LHX2: variants seen among roughly 807,000 people sequenced by gnomAD.
LHX2 encodes LIM homeobox 2, also known as LIM/homeobox protein Lhx2.
A neutral mutation model predicts 33.0 loss-of-function variants in LHX2; 6 were observed. The observed-to-expected ratio is 0.18, with a 90% confidence interval of 0.10 to 0.36. The LOEUF (loss-of-function observed/expected upper bound fraction) is 0.36. Among genes scored for constraint, LHX2 ranks in the 10% least tolerant of loss-of-function variants. The pLI is 1.00. For missense variants in LHX2, 442 were observed against 586.2 expected (o/e 0.75, Z 2.54); for synonymous variants, 292 against 253.1 (o/e 1.15, Z -1.46).
In LHX2 at chr9:124,015,503, G is replaced by A. The variant is rs769658674; in HGVS notation, c.705G>A (p.Ala235=). 2.8e-5 allele frequency: 41 copies of A among 1,467,950 alleles called. 1 individual carries two copies. In the Admixed American group the frequency reaches 9.0e-4, roughly 32 times the overall value. The allele number at this position is 1,467,950 out of a possible 1,614,324, so 90.9% of individuals were successfully genotyped here. A position where few individuals can be genotyped will look rare whatever the true frequency, so the allele number is the denominator to read the frequency against. Residue 235 remains alanine, a synonymous_variant, in exon 3 of 5, where the codon GCG becomes GCA. Transcript: ENST00000373615. The surrounding 1 kb of genome is among the most constrained non-coding windows in gnomAD (Gnocchi z 7.9). ...PRKRKSPGPG[A]DLAAYNAALS... ...AACGTAAGAGCCCGGGCCCCGGTGC[G>A]GATCTGGCGGCCTACAACGCTGGTG...
In LHX2 at chr9:124,015,420, C is replaced by T. The variant is rs1402161306; in HGVS notation, c.622C>T (p.Pro208Ser). 1 of 1,599,768 alleles carries T rather than the reference C, an allele frequency of 6.3e-7. No individual in the cohort carries two copies. Among genetic ancestry groups the T allele is most frequent in the Non-Finnish European group, 8.5e-7 (1 of 1,173,114 alleles). The change falls in exon 3 of 5, where the codon CCT (proline) becomes TCT (serine). Residue 208 changes from proline to serine, a missense_variant. By Grantham distance (74) the Pro-to-Ser change is moderately conservative. This residue lies in a region of LHX2 where 132 missense variants were observed against 139.1 expected (regional missense o/e 0.95). Coordinates refer to ENST00000373615, the MANE Select transcript of LHX2 (RefSeq NM_004789.4). The surrounding 1 kb of genome is among the most constrained non-coding windows in gnomAD (Gnocchi z 7.9). ...GGGGCTGGGCGCAGCAGGGGCCAAC[C>T]CTCTGGGTCTTCCCTACTACAATGG... ...SAGLGAAGAN[P>S]LGLPYYNGVG...
chr9:124,012,256 G>T lies in LHX2; in HGVS notation c.-93G>T. On this transcript the variant is annotated 5_prime_UTR_variant, in exon 1 of 5. Transcript: ENST00000373615. The surrounding 1 kb of genome is among the most constrained non-coding windows in gnomAD (Gnocchi z 4.3). ...CCGGGGCCGCGGTGGCGATGCACCG[G>T]GCCCGTTAGCGCCAGGAGCGCCAGG... 1 of 1,283,924 alleles carries T rather than the reference G, an allele frequency of 7.8e-7. No homozygotes were observed. The highest frequency in any genetic ancestry group is 1.8e-5 in the South Asian group (1 of 54,486). The allele number at this position is 1,283,924 out of a possible 1,614,324, so 79.5% of individuals were successfully genotyped here.
chr9:124,023,844 A>T (rs1225245299), intron 4 of LHX2, among the ~76,000 whole-genome samples: 1 of 152,196 alleles, frequency 6.6e-6, no homozygotes, highest in Non-Finnish European at 1.5e-5. Flanking sequence ...AGGTATAGAC[A>T]CAGACCCATG....
At position 124,014,084 on chromosome 9, in the gene LHX2, G is replaced by C. The variant is rs1231821859; in HGVS notation, c.244G>C (p.Glu82Gln). The change falls in exon 2 of 5, where the codon GAG becomes CAG. Residue 82 changes from glutamate to glutamine, a missense_variant. Around this residue, in one of 5 missense-constraint regions of LHX2, gnomAD observed 72 missense variants for 171.6 expected, o/e 0.42. Coordinates refer to ENST00000373615, the MANE Select transcript of LHX2 (RefSeq NM_004789.4). This position sits in a 1 kb window ranked among gnomAD's most constrained non-coding sequence, Gnocchi z 4.8. ...QWHMRCLKCC[E>Q]CKLNLESELT... ...GCACATGCGCTGCCTCAAGTGCTGC[G>C]AGTGCAAGCTCAACCTGGAGTCGGA... 1.2e-6 allele frequency: 2 copies of C among 1,613,730 alleles called. No homozygotes were observed. The highest frequency in any genetic ancestry group is 2.2e-5 in the East Asian group (1 of 44,894).
In LHX2 at chr9:124,012,240, C is replaced by A. The variant is rs919276490; in HGVS notation, c.-109C>A. ...CCGAGCTCGGGCGGGGCCGGGGCCG[C>A]GGTGGCGATGCACCGGGCCCGTTAG... On this transcript the variant is annotated 5_prime_UTR_variant, in exon 1 of 5. Coordinates refer to ENST00000373615, the MANE Select transcript of LHX2 (RefSeq NM_004789.4). The surrounding 1 kb of genome is among the most constrained non-coding windows in gnomAD (Gnocchi z 4.3). 3.3e-5 allele frequency: 37 copies of A among 1,132,634 alleles called. No homozygotes were observed. Among genetic ancestry groups the A allele is most frequent in the Middle Eastern group, 3.5e-4 (1 of 2,868 alleles). The allele number at this position is 1,132,634 out of a possible 1,614,324, so 70.2% of individuals were successfully genotyped here.
intron 3 of LHX2, among the ~76,000 whole-genome samples, chr9:124,017,500 G>A (rs1038288409): frequency 5.3e-5 from 8 of 152,212 alleles, no homozygotes; most frequent in Admixed American, 3.9e-4. Flanking sequence ...GGGCCGCGGG[G>A]CAGCTAGGAC....
Position 124,014,492 on chromosome 9 carries a change from G to T in LHX2, c.323+329G>T, listed in dbSNP as rs1859151595. On this transcript the variant is annotated intron_variant, in intron 2 of 4. Coordinates refer to ENST00000373615, the MANE Select transcript of LHX2 (RefSeq NM_004789.4). This position sits in a 1 kb window ranked among gnomAD's most constrained non-coding sequence, Gnocchi z 4.8. Reference sequence around the variant, plus strand: ...TTGAAGTTTCTTGAGTTAATCCGAGGTTATAGAAACAGGCACCCCCAAACC... The same window carrying T: ...TTGAAGTTTCTTGAGTTAATCCGAGTTTATAGAAACAGGCACCCCCAAACC... 6.6e-6 allele frequency among the ~76,000 whole-genome samples: 1 copy of T among 152,106 alleles called. No homozygotes were observed. Among genetic ancestry groups the T allele is most frequent in the Non-Finnish European group, 1.5e-5 (1 of 68,032 alleles).
rs563354693 is a variant in LHX2 at position 124,018,066 on chromosome 9, C to A, written c.727+2541C>A. Among the ~76,000 whole-genome samples the A allele has an allele frequency of 3.9e-5, 6 of 152,004 alleles. No individual in the cohort carries two copies. In the East Asian group the frequency reaches 7.8e-4, roughly 20 times the overall value. On this transcript the variant is annotated intron_variant, in intron 3 of 4. Coordinates refer to ENST00000373615, the MANE Select transcript of LHX2 (RefSeq NM_004789.4). ...CTTTTTGTGTGTGTGTGCCTGGCGG[C>A]GTAATTACTGATTTGATTCCAATCC...
intron 4 of LHX2, among the ~76,000 whole-genome samples, chr9:124,031,220 C>A (rs1564553481): frequency 6.6e-6 from 1 of 152,174 alleles, no homozygotes; most frequent in Admixed American, 6.5e-5. Flanking sequence ...CACCCACCTC[C>A]ACCCTGAGAC....
chr9:124,012,096 G>T lies in LHX2; in HGVS notation c.-253G>T, dbSNP rs1381327105. On this transcript the variant is annotated 5_prime_UTR_variant, in exon 1 of 5. Transcript: ENST00000373615. The surrounding 1 kb of genome is among the most constrained non-coding windows in gnomAD (Gnocchi z 4.3). ...CCCGCCCCGCTTGTCCCGTGCCCTTGTGACCCTGGCTTTGGCGCCGTCGCC... is the reference window on the plus strand; with the variant it reads ...CCCGCCCCGCTTGTCCCGTGCCCTTTTGACCCTGGCTTTGGCGCCGTCGCC... 2.2e-5 allele frequency: 4 copies of T among 181,256 alleles called. No individual in the cohort carries two copies. The highest frequency in any genetic ancestry group is 4.7e-5 in the African/African-American group (2 of 42,280). 11.2% of individuals were successfully genotyped at this position (181,256 alleles called of 1,614,324 possible). A position where few individuals can be genotyped will look rare whatever the true frequency, so the allele number is the denominator to read the frequency against.
At chr9:124,018,939 G>A (rs1265898866) in intron 3 of LHX2, among the ~76,000 whole-genome samples, 3 of 152,224 alleles carry the variant, frequency 2.0e-5, no homozygotes, top group African/African-American at 4.8e-5. Context: ...GGGGCGCCGG[G>A]GTCCCCACGG....
Position 124,032,364 on chromosome 9 carries a change from G to C in LHX2, c.934-56G>C. 6.8e-7 allele frequency: 1 copy of C among 1,462,142 alleles called. No individual in the cohort carries two copies. The highest frequency in any genetic ancestry group is 9.0e-7 in the Non-Finnish European group (1 of 1,107,998). 90.6% of individuals were successfully genotyped at this position (1,462,142 alleles called of 1,614,324 possible). A position where few individuals can be genotyped will look rare whatever the true frequency, so the allele number is the denominator to read the frequency against. On this transcript the variant is annotated intron_variant, in intron 4 of 4. Transcript: ENST00000373615. This position sits in a 1 kb window ranked among gnomAD's most constrained non-coding sequence, Gnocchi z 4.1. Reference sequence around the variant, plus strand: ...CAGCAGAGCTCTGAGTGAAGCAGTCGGGGGGATGCTCTGCCTGCCTTCCGC... The same window carrying C: ...CAGCAGAGCTCTGAGTGAAGCAGTCCGGGGGATGCTCTGCCTGCCTTCCGC...
chr9:124,018,963 C>T (rs1256328676), intron 3 of LHX2, among the ~76,000 whole-genome samples: 1 of 152,238 alleles, frequency 6.6e-6, no homozygotes, highest in East Asian at 1.9e-4. Flanking sequence ...TCATTAACAG[C>T]AGCCAGGCCC....
At chr9:124,022,216 C>G (rs975734873) in intron 4 of LHX2, among the ~76,000 whole-genome samples, 1 of 152,126 alleles carries the variant, frequency 6.6e-6, no homozygotes, top group Non-Finnish European at 1.5e-5. Context: ...TAGCCTGTTT[C>G]CTCATACAAG....
In LHX2 at chr9:124,014,106, C is replaced by G; in HGVS notation, c.266C>G (p.Ser89Trp). 3 of 1,613,630 alleles carry G rather than the reference C, an allele frequency of 1.9e-6. No homozygotes were observed. The highest frequency in any genetic ancestry group is 2.5e-6 in the Non-Finnish European group (3 of 1,180,020). ...KCCECKLNLE[S>W]ELTCFSKDGS... ...TGCGAGTGCAAGCTCAACCTGGAGT[C>G]GGAGCTCACCTGTTTCAGCAAGGAC... The change falls in exon 2 of 5, where the codon TCG becomes TGG. Residue 89 changes from serine to tryptophan, a missense_variant. This residue lies in a region of LHX2 where 72 missense variants were observed against 171.6 expected (regional missense o/e 0.42). Transcript: ENST00000373615. This position sits in a 1 kb window ranked among gnomAD's most constrained non-coding sequence, Gnocchi z 4.8.
At chr9:124,018,869 C>T (rs1180210599) in intron 3 of LHX2, among the ~76,000 whole-genome samples, 1 of 151,978 alleles carries the variant, frequency 6.6e-6, no homozygotes, top group African/African-American at 2.4e-5. Context: ...CTTTCTGTCC[C>T]CCTCCCCCGC....
chr9:124,020,038 G>T (rs970402771), intron 3 of LHX2, among the ~76,000 whole-genome samples: 2 of 152,236 alleles, frequency 1.3e-5, no homozygotes, highest in African/African-American at 4.8e-5. Context: ...CCTTCGTGGT[G>T]TAGTGGAAGA....
chr9:124,020,122 G>A (rs958027296), intron 3 of LHX2, among the ~76,000 whole-genome samples: 2 of 152,196 alleles, frequency 1.3e-5, no homozygotes, highest in African/African-American at 4.8e-5. Context: ...CGGTGGTGTG[G>A]CAGTGTGCAA....
intron 4 of LHX2, among the ~76,000 whole-genome samples, chr9:124,025,932 C>T (rs1048513753): frequency 6.6e-6 from 1 of 151,982 alleles, no homozygotes; most frequent in Non-Finnish European, 1.5e-5. Context: ...TTGCAGTGAG[C>T]TGAGATTGTG....
Sources: allele counts gnomAD v4.1 joint callset (sites outside exome capture counted in the v4.1 genomes callset), GRCh38; gene constraint gnomAD v4.1.1; regional missense constraint gnomAD v4.1.1; non-coding constraint Gnocchi (gnomAD v3.1); transcripts MANE v1.5; gene names NCBI Gene and HGNC (gene_info 2026-07-23, HGNC 2026-07-21).